CDKAL1: variants seen among roughly 807,000 people sequenced by gnomAD.
CDKAL1 encodes the protein CDKAL1 threonylcarbamoyladenosine tRNA methylthiotransferase.
CDKAL1 carries 32 observed loss-of-function variants against 68.2 expected under a neutral mutation model. The observed-to-expected ratio is 0.47, with a 90% CI of 0.35 to 0.63. The LOEUF (loss-of-function observed/expected upper bound fraction) is 0.63. Among genes scored for constraint, CDKAL1 ranks in the 30% least tolerant of loss-of-function variants. CDKAL1 has a pLI of 0.00. For missense variants in CDKAL1, 606 were observed against 696.7 expected (o/e 0.87, Z 1.47); for synonymous variants, 234 against 244.3 (o/e 0.96, Z 0.39).
chr6:21,066,158 A>G (rs1201516732), intron 12 of CDKAL1, among the ~76,000 whole-genome samples: 3 of 152,116 alleles, frequency 2.0e-5, no homozygotes, highest in Non-Finnish European at 2.9e-5. Context: ...TATTCTTTCA[A>G]TATTTGGTTG....
chr6:20,754,807 C>G (rs2150343886), intron 6 of CDKAL1, among the ~76,000 whole-genome samples: 1 of 152,108 alleles, frequency 6.6e-6, no homozygotes, highest in Middle Eastern at 3.4e-3. Flanking sequence ...TGATGATATC[C>G]AATTTATTTT....
intron 5 of CDKAL1, among the ~76,000 whole-genome samples, chr6:20,719,929 G>C (rs546051851): frequency 6.6e-6 from 1 of 152,220 alleles, no homozygotes; most frequent in African/African-American, 2.4e-5. Flanking sequence ...AAAAAGCCTG[G>C]TACGTATTTT....
intron 7 of CDKAL1, among the ~76,000 whole-genome samples, chr6:20,780,817 G>T (rs1030679900): frequency 2.0e-5 from 3 of 151,784 alleles, no homozygotes; most frequent in Non-Finnish European, 4.4e-5. Flanking sequence ...GGGATTACAG[G>T]CGCCCGCCAC....
rs1776175950 is a variant in CDKAL1 at position 20,797,822 on chromosome 6, T to TTATTG, written c.638+16561_638+16562insGTATT. ...TTATTTTATTTTATTTTATTTTATT[T>TTATTG]TATTTTTTCTTGGAGACAGGGTCTA... On this transcript the variant is annotated intron_variant, in intron 8 of 15. Coordinates refer to ENST00000274695, the MANE Select transcript of CDKAL1 (RefSeq NM_017774.3). 1.4e-5 allele frequency among the ~76,000 whole-genome samples: 2 copies of TTATTG among 147,350 alleles called. 1 individual carries two copies. The highest frequency in any genetic ancestry group is 3.0e-5 in the Non-Finnish European group (2 of 67,060).
chr6:20,718,829 A>T (rs1772210802), intron 5 of CDKAL1, among the ~76,000 whole-genome samples: 1 of 151,186 alleles, frequency 6.6e-6, no homozygotes, highest in Non-Finnish European at 1.5e-5. Context: ...TTTTATAATT[A>T]AAAAAAACTT....
intron 11 of CDKAL1, among the ~76,000 whole-genome samples, chr6:21,039,267 C>T (rs976093998): frequency 4.6e-5 from 7 of 152,060 alleles, no homozygotes; most frequent in East Asian, 1.9e-4. Flanking sequence ...TGATCTGAGG[C>T]GGAACAATTT....
At chr6:20,934,718 G>T (rs1763620683) in intron 9 of CDKAL1, among the ~76,000 whole-genome samples, 1 of 151,824 alleles carries the variant, frequency 6.6e-6, no homozygotes. Flanking sequence ...ATAGTGGGAT[G>T]CCCCTGTAGT....
chr6:21,023,902 G>A (rs1198049960), intron 11 of CDKAL1, among the ~76,000 whole-genome samples: 1 of 152,134 alleles, frequency 6.6e-6, no homozygotes, highest in African/African-American at 2.4e-5. Flanking sequence ...TGTGACCTGG[G>A]AAAGGAACAT....
At chr6:21,208,137 A>C (rs1280593592) in intron 15 of CDKAL1, among the ~76,000 whole-genome samples, 11 of 151,956 alleles carry the variant, frequency 7.2e-5, no homozygotes, top group Admixed American at 5.2e-4. Flanking sequence ...TCATCTATTG[A>C]GACTTTGATC....
intron 8 of CDKAL1, among the ~76,000 whole-genome samples, chr6:20,810,410 A>ATGT (rs1776755233): frequency 2.8e-5 from 3 of 108,144 alleles, no homozygotes; most frequent in East Asian, 2.1e-4. Flanking sequence ...ACACACACAC[A>ATGT]CACACACACA....
chr6:21,086,694 C>A (rs774237402), intron 12 of CDKAL1, among the ~76,000 whole-genome samples: 5 of 152,162 alleles, frequency 3.3e-5, no homozygotes. Flanking sequence ...ACTCTATCCA[C>A]CTGCCATGTT....
chr6:21,216,196 AT>A (rs1286343583), intron 15 of CDKAL1, among the ~76,000 whole-genome samples: 3 of 152,188 alleles, frequency 2.0e-5, no homozygotes, highest in African/African-American at 7.2e-5. Context: ...GTAAATTTGT[AT>A]TGTTTTAAGC....
chr6:20,683,233 G>A (rs1181682768), intron 5 of CDKAL1, among the ~76,000 whole-genome samples: 1 of 152,104 alleles, frequency 6.6e-6, no homozygotes, highest in African/African-American at 2.4e-5. Flanking sequence ...TTGCCCCCAT[G>A]TTTATATAGC....
chr6:20,879,213 G>T (rs1325834374), intron 9 of CDKAL1, among the ~76,000 whole-genome samples: 1 of 152,178 alleles, frequency 6.6e-6, no homozygotes, highest in Non-Finnish European at 1.5e-5. Flanking sequence ...TTTCTGTAGA[G>T]AACCCACAAA....
At chr6:20,784,413 T>TA in intron 8 of CDKAL1, among the ~76,000 whole-genome samples, 1 of 25,042 alleles carries the variant, frequency 4.0e-5, no homozygotes, top group Non-Finnish European at 7.2e-5. Context: ...ATTTTATTTC[T>TA]TTTTTTTTTT....
At chr6:20,951,363 T>C (rs1470876839) in intron 9 of CDKAL1, among the ~76,000 whole-genome samples, 1 of 152,250 alleles carries the variant, frequency 6.6e-6, no homozygotes, top group Non-Finnish European at 1.5e-5. Context: ...AAAGTTTGAT[T>C]TTTCAAAGAG....
intron 4 of CDKAL1, among the ~76,000 whole-genome samples, chr6:20,571,033 A>C (rs1764679697): frequency 6.6e-6 from 1 of 152,176 alleles, no homozygotes; most frequent in Non-Finnish European, 1.5e-5. Context: ...TAGCACCCTC[A>C]CTGGGGAGGA....
chr6:21,056,794 T>A (rs1770861880), intron 11 of CDKAL1, among the ~76,000 whole-genome samples: 1 of 152,240 alleles, frequency 6.6e-6, no homozygotes, highest in Non-Finnish European at 1.5e-5. Context: ...GTGGTTTTTG[T>A]CTTTATTTCT....
At chr6:20,697,713 C>G (rs564801619) in intron 5 of CDKAL1, among the ~76,000 whole-genome samples, 3 of 152,212 alleles carry the variant, frequency 2.0e-5, no homozygotes, top group Non-Finnish European at 2.9e-5. Flanking sequence ...TAGGGACTGT[C>G]ATGAAATGAC....
Sources: gnomAD v4.1 joint callset for allele counts (sites outside exome capture counted in the v4.1 genomes callset) on GRCh38, gnomAD v4.1.1 for gene constraint, MANE v1.5 for transcripts, NCBI Gene and HGNC (gene_info 2026-07-23, HGNC 2026-07-21) for gene names.